STK32B: variants seen among roughly 807,000 people sequenced by gnomAD.
The protein encoded by STK32B is serine/threonine kinase 32B.
Under a neutral mutation model 52.6 loss-of-function variants are expected in STK32B, and 43 were observed. That is an observed-to-expected ratio of 0.82 (90% CI 0.64 to 1.05). The LOEUF (loss-of-function observed/expected upper bound fraction) is 1.05. Among genes scored for constraint, STK32B ranks in the 50% least tolerant of loss-of-function variants. The pLI is 0.00. For synonymous variants in STK32B, 238 were observed against 204.3 expected, an observed-to-expected ratio of 1.17 and a Z score of -1.41; for missense variants, 621 against 534.6, an observed-to-expected ratio of 1.16 and a Z score of -1.59.
At chr4:5,074,211 C>T (rs10013611) in intron 1 of STK32B, among the ~76,000 whole-genome samples, 35 of 110,242 alleles carry the variant, frequency 3.2e-4, no homozygotes, top group African/African-American at 9.1e-4. Flanking sequence ...TGTGTGTGTG[C>T]GCGTGCGTGA....
chr4:5,040,208 C>G, the STK32B span, among the ~76,000 whole-genome samples: 2 of 152,140 alleles, frequency 1.3e-5, no homozygotes, highest in Non-Finnish European at 2.9e-5. Flanking sequence ...TCAGCTAACA[C>G]TGGAGGTGTA....
At chr4:5,031,345 TG>T in the STK32B span, among the ~76,000 whole-genome samples, 1 of 152,310 alleles carries the variant, frequency 6.6e-6, no homozygotes, top group East Asian at 1.9e-4. Flanking sequence ...CACTTATCTT[TG>T]AACTTTACTT....
chr4:5,317,865 C>T (rs746353648), intron 3 of STK32B, among the ~76,000 whole-genome samples: 13 of 152,006 alleles, frequency 8.6e-5, no homozygotes, highest in South Asian at 4.2e-4. Context: ...AAATGTAGAT[C>T]GGCACTTCTC....
intron 6 of STK32B, among the ~76,000 whole-genome samples, chr4:5,440,147 T>G (rs1249707857): frequency 6.6e-6 from 1 of 152,124 alleles, no homozygotes; most frequent in Non-Finnish European, 1.5e-5. Flanking sequence ...GAAGAAAGTC[T>G]TTGGTAGCTT....
intron 6 of STK32B, among the ~76,000 whole-genome samples, chr4:5,424,309 C>G (rs1337093983): frequency 1.3e-5 from 2 of 152,150 alleles, no homozygotes; most frequent in African/African-American, 4.8e-5. Context: ...AGACAGGCTA[C>G]TAGGTGGAAA....
chr4:5,328,548 A>C (rs965985038), intron 3 of STK32B, among the ~76,000 whole-genome samples: 1 of 152,162 alleles, frequency 6.6e-6, no homozygotes, highest in African/African-American at 2.4e-5. Flanking sequence ...AACACATCCA[A>C]CCTTTATCCA....
chr4:5,116,399 T>C (rs1199670031), intron 1 of STK32B, among the ~76,000 whole-genome samples: 2 of 152,334 alleles, frequency 1.3e-5, no homozygotes, highest in East Asian at 3.9e-4. Context: ...TCTGTATATA[T>C]TTACAGTCTA....
chr4:5,257,545 G>T (rs1368656136), intron 3 of STK32B, among the ~76,000 whole-genome samples: 1 of 152,118 alleles, frequency 6.6e-6, no homozygotes, highest in African/African-American at 2.4e-5. Flanking sequence ...TCTACCCTTG[G>T]GCTCCTGCAT....
At chr4:5,256,635 A>G (rs1577254081) in intron 3 of STK32B, among the ~76,000 whole-genome samples, 1 of 152,280 alleles carries the variant, frequency 6.6e-6, no homozygotes, top group East Asian at 1.9e-4. Flanking sequence ...TTCTAGCCTT[A>G]AGGCCTGAGT....
At chr4:5,339,089 C>A (rs1732901974) in intron 4 of STK32B, among the ~76,000 whole-genome samples, 1 of 152,284 alleles carries the variant, frequency 6.6e-6, no homozygotes, top group Admixed American at 6.5e-5. Flanking sequence ...CTTCTCCTGT[C>A]CTCAGTCATC....
In STK32B at chr4:5,398,773, C is replaced by T. The variant is rs10008760; in HGVS notation, c.472+529C>T. Among the ~76,000 whole-genome samples the T allele has an allele frequency of 0.037, 5,671 of 152,278 alleles. 150 individuals carry two copies. The highest frequency in any genetic ancestry group is 0.081 in the East Asian group (418 of 5,174). Reference sequence around the variant, plus strand: ...ATTTCCTTTATGTGCACACAGATCTCCTAGGCATCTTCTCAAACTGATTTA... The same window carrying T: ...ATTTCCTTTATGTGCACACAGATCTTCTAGGCATCTTCTCAAACTGATTTA... On this transcript the variant is annotated intron_variant, in intron 5 of 11. Transcript: ENST00000282908. This position sits in a 1 kb window ranked among gnomAD's most constrained non-coding sequence, Gnocchi z 4.9.
intron 2 of STK32B, among the ~76,000 whole-genome samples, chr4:5,160,069 C>T (rs891497616): frequency 1.3e-5 from 2 of 152,040 alleles, no homozygotes; most frequent in Admixed American, 6.6e-5. Flanking sequence ...TTAATATCAA[C>T]CTCACCCCAA....
At chr4:5,148,444 T>G (rs1399635609) in intron 2 of STK32B, among the ~76,000 whole-genome samples, 4 of 151,872 alleles carry the variant, frequency 2.6e-5, no homozygotes, top group Non-Finnish European at 3.0e-5. Context: ...TATTTTATTA[T>G]TTAGTTAATA....
In STK32B at chr4:5,499,117, T is replaced by C. The variant is rs1720538695; in HGVS notation, c.*34T>C. ...TTGTTGCTGCTCAACAGGACTGCACTCGTCTCTGCCCTGCCCACCCAGAGC... is the reference window on the plus strand; with the variant it reads ...TTGTTGCTGCTCAACAGGACTGCACCCGTCTCTGCCCTGCCCACCCAGAGC... On this transcript the variant is annotated 3_prime_UTR_variant, in exon 12 of 12. Transcript: ENST00000282908. 1.3e-6 allele frequency: 2 copies of C among 1,581,074 alleles called. No individual in the cohort carries two copies. Among genetic ancestry groups the C allele is most frequent in the Non-Finnish European group, 8.6e-7 (1 of 1,160,616 alleles).
chr4:5,320,233 A>T (rs1285919791), intron 3 of STK32B, among the ~76,000 whole-genome samples: 1 of 152,112 alleles, frequency 6.6e-6, no homozygotes. Context: ...TGGTTGATGA[A>T]TGATTCCCCC....
intron 4 of STK32B, among the ~76,000 whole-genome samples, chr4:5,338,295 G>GT (rs1467964980): frequency 6.6e-6 from 1 of 152,180 alleles, no homozygotes; most frequent in Non-Finnish European, 1.5e-5. Flanking sequence ...ATTGTTCAGC[G>GT]TAATACACAA....
intron 3 of STK32B, among the ~76,000 whole-genome samples, chr4:5,201,387 A>C (rs960601777): frequency 6.6e-6 from 1 of 152,152 alleles, no homozygotes; most frequent in Non-Finnish European, 1.5e-5. Flanking sequence ...GGACTGCCAC[A>C]GTATAGGCAC....
the STK32B span, among the ~76,000 whole-genome samples, chr4:5,041,872 G>A: frequency 1.7e-4 from 26 of 151,392 alleles, no homozygotes; most frequent in Non-Finnish European, 2.9e-4. Flanking sequence ...GCAAGCAGAC[G>A]GTATTTACTC....
rs370538966 is a variant in STK32B at position 5,395,160 on chromosome 4, C to G, written c.435-3047C>G. ...TACATTCCCCACCGTGTGGCTGGCTCCACACAGCAGCTCATGTCTTGAGCT... is the reference window on the plus strand; with the variant it reads ...TACATTCCCCACCGTGTGGCTGGCTGCACACAGCAGCTCATGTCTTGAGCT... On this transcript the variant is annotated intron_variant, in intron 4 of 11. Transcript: ENST00000282908. The surrounding 1 kb of genome is among the most constrained non-coding windows in gnomAD (Gnocchi z 4.4). 6.6e-6 allele frequency among the ~76,000 whole-genome samples: 1 copy of G among 152,294 alleles called. No homozygotes were observed. The highest frequency in any genetic ancestry group is 1.9e-4 in the East Asian group (1 of 5,174).
Sources: gnomAD v4.1 joint callset for allele counts (sites outside exome capture counted in the v4.1 genomes callset) on GRCh38, gnomAD v4.1.1 for gene constraint, Gnocchi (gnomAD v3.1) non-coding constraint, MANE v1.5 for transcripts, NCBI Gene and HGNC (gene_info 2026-07-23, HGNC 2026-07-21) for gene names.